Variants in TOMM34 observed in about 807,000 individuals in gnomAD.
TOMM34 encodes the protein translocase of outer mitochondrial membrane 34, also known as mitochondrial import receptor subunit TOM34.
In TOMM34, 24 loss-of-function variants were observed where a neutral mutation model predicts 37.4. That is an observed-to-expected ratio of 0.64 (90% CI 0.46 to 0.90). The LOEUF is 0.90. Among genes scored for constraint, TOMM34 ranks in the 40% least tolerant of loss-of-function variants. The pLI is 0.00. For synonymous variants in TOMM34, 154 were observed against 148.9 expected, an observed-to-expected ratio of 1.03 and a Z score of -0.25; for missense variants, 304 against 375.6, an observed-to-expected ratio of 0.81 and a Z score of 1.58.
chr20:44,958,525 C>A, intron 1 of TOMM34: 1 of 377,362 alleles, frequency 2.6e-6, no homozygotes, highest in Non-Finnish European at 5.5e-6. Flanking sequence ...TGCGTGCCCA[C>A]CTACCACATG....
Position 44,951,859 on chromosome 20 carries a change from T to C in TOMM34, c.524A>G (p.Lys175Arg). 1.2e-6 allele frequency: 2 copies of C among 1,614,094 alleles called. No individual in the cohort carries two copies. The highest frequency in any genetic ancestry group is 1.7e-6 in the Non-Finnish European group (2 of 1,179,968). Residue 175 changes from lysine to arginine, a missense_variant, in exon 4 of 7, where the codon AAA becomes AGA. Coordinates refer to ENST00000372813, the MANE Select transcript of TOMM34 (RefSeq NM_006809.5). Reference sequence around the variant, plus strand: ...TCTGTTCTTTGTAGCTGTGGTTTCTTTGGATTTGCTTTTAGCCATCTCTTT... The same window carrying C: ...TCTGTTCTTTGTAGCTGTGGTTTCTCTGGATTTGCTTTTAGCCATCTCTTT... ...NHKEMAKSKS[K>R]ETTATKNRVP...
chr20:44,950,936 T>C (rs948327095), intron 4 of TOMM34, among the ~76,000 whole-genome samples: 5 of 152,198 alleles, frequency 3.3e-5, no homozygotes, highest in African/African-American at 1.2e-4. Flanking sequence ...TTTCATACAG[T>C]TGAGGTGAGG....
Position 44,960,196 on chromosome 20 carries a change from C to T in TOMM34, c.127+11G>A, listed in dbSNP as rs1404636839. The T allele has an allele frequency of 1.3e-6, 2 of 1,553,556 alleles. No individual in the cohort carries two copies. The highest frequency in any genetic ancestry group is 1.7e-6 in the Non-Finnish European group (2 of 1,150,108). ...GCAGGCCCGGAGGTGAGATGGGGGC[C>T]GGGGTCGTACCTTGCGCCTGCAGCA... On this transcript the variant is annotated intron_variant, in intron 1 of 6. Transcript: ENST00000372813.
intron 4 of TOMM34, among the ~76,000 whole-genome samples, chr20:44,951,071 G>A (rs922209523): frequency 2.6e-5 from 4 of 152,110 alleles, no homozygotes; most frequent in Non-Finnish European, 5.9e-5. Context: ...GGTGCCTCAG[G>A]GTGACCTAAT....
chr20:44,947,757 C>T (rs2066992820), intron 5 of TOMM34, among the ~76,000 whole-genome samples: 1 of 152,192 alleles, frequency 6.6e-6, no homozygotes, highest in South Asian at 2.1e-4. Context: ...GGAGCCTCAG[C>T]CTCCCAAAGT....
chr20:44,956,915 A>G (rs2067078705), intron 1 of TOMM34, among the ~76,000 whole-genome samples: 2 of 151,988 alleles, frequency 1.3e-5, no homozygotes, highest in South Asian at 4.1e-4. Flanking sequence ...GGAGGGAACA[A>G]GATGATAAAC....
chr20:44,956,261 A>G (rs2067071759), intron 2 of TOMM34, 125 bp downstream of exon 2: 1 of 934,980 alleles, frequency 1.1e-6, no homozygotes, highest in African/African-American at 1.6e-5. Flanking sequence ...AAACTCAGTG[A>G]CACTTTCTTA....
intron 2 of TOMM34, chr20:44,955,585 CT>C (rs1464204786): frequency 2.2e-6 from 1 of 462,914 alleles, no homozygotes; most frequent in African/African-American, 2.0e-5. Flanking sequence ...GGGGTGGTGT[CT>C]GAATTCCACC....
At chr20:44,948,117 G>A (rs2066996087) in intron 5 of TOMM34, among the ~76,000 whole-genome samples, 1 of 152,088 alleles carries the variant, frequency 6.6e-6, no homozygotes, top group Non-Finnish European at 1.5e-5. Flanking sequence ...CACTAAAACA[G>A]AAAGACCACC....
chr20:44,955,027 G>T, intron 3 of TOMM34, 41 bp downstream of exon 3: 1 of 1,608,982 alleles, frequency 6.2e-7, no homozygotes, highest in South Asian at 1.1e-5. Context: ...AAGAAGGACA[G>T]GGAGTTGCCG....
Position 44,960,292 on chromosome 20 carries a change from G to T in TOMM34, c.42C>A (p.Ala14=). Residue 14 remains alanine (A), a synonymous_variant, in exon 1 of 7, where the codon GCC becomes GCA. Coordinates refer to ENST00000372813, the MANE Select transcript of TOMM34 (RefSeq NM_006809.5). ...CGTTGCGGAAACTCTCATTGCCGGC[G>T]GCGCGGAGCTCCTCCACAGAGTCTG... ...KFPDSVEELR[A]AGNESFRNGQ... is the part of the protein sequence containing the mutation. 1 of 1,584,592 alleles carries T rather than the reference G, an allele frequency of 6.3e-7. No individual in the cohort carries two copies. The highest frequency in any genetic ancestry group is 1.2e-5 in the South Asian group (1 of 86,858).
At chr20:44,945,430 G>A (rs532450678) in intron 5 of TOMM34, among the ~76,000 whole-genome samples, 18 of 152,184 alleles carry the variant, frequency 1.2e-4, no homozygotes, top group Non-Finnish European at 2.1e-4. Context: ...GAAGGGACAC[G>A]ATGTGACTTC....
chr20:44,952,115 T>G (rs1181377337), intron 3 of TOMM34, 113 bp from the exon 4 acceptor site: 7 of 1,303,998 alleles, frequency 5.4e-6, no homozygotes, highest in Non-Finnish European at 7.2e-6. Context: ...GCTGCCACCC[T>G]CCCCCTGGTC....
intron 1 of TOMM34, chr20:44,959,867 C>T (rs2067109816): frequency 2.1e-6 from 2 of 962,408 alleles, no homozygotes; most frequent in African/African-American, 3.5e-5. Context: ...ATGCGCTGTC[C>T]TTGAGAGAAG....
intron 3 of TOMM34, among the ~76,000 whole-genome samples, chr20:44,952,431 A>G (rs1034091111): frequency 5.3e-5 from 8 of 151,746 alleles, no homozygotes; most frequent in Admixed American, 4.6e-4. Context: ...AAATCTTACA[A>G]CTCCTCAGGG....
At chr20:44,958,144 ATGTG>A (rs145616616) in intron 1 of TOMM34, among the ~76,000 whole-genome samples, 239 of 146,972 alleles carry the variant, frequency 1.6e-3, no homozygotes, top group Non-Finnish European at 2.9e-3. Flanking sequence ...ATGTATATAT[ATGTG>A]TGTGTGTGTG....
chr20:44,955,001 T>C (rs1568663832), intron 3 of TOMM34, 67 bp downstream of exon 3: 10 of 1,567,694 alleles, frequency 6.4e-6, no homozygotes, highest in African/African-American at 1.3e-5. Context: ...GACAAGGCAA[T>C]GGCCCGCAGC....
chr20:44,944,351 T>C (rs1471601321), intron 5 of TOMM34, among the ~76,000 whole-genome samples: 2 of 152,214 alleles, frequency 1.3e-5, no homozygotes, highest in East Asian at 3.8e-4. Flanking sequence ...AACAGTCAGA[T>C]GTCTGGGCGC....
chr20:44,943,614 C>T (rs1370785042), intron 5 of TOMM34, 35 bp from the exon 6 acceptor site: 4 of 1,613,066 alleles, frequency 2.5e-6, no homozygotes, highest in Middle Eastern at 1.8e-4. Flanking sequence ...GTTTCAGTCA[C>T]GTCTTATGGG....
Sources: gnomAD v4.1 joint callset for allele counts (sites outside exome capture counted in the v4.1 genomes callset) on GRCh38, gnomAD v4.1.1 for gene constraint, MANE v1.5 for transcripts, NCBI Gene and HGNC (gene_info 2026-07-23, HGNC 2026-07-21) for gene names.